CATSPERB: variants seen among roughly 807,000 people sequenced by gnomAD.
CATSPERB encodes catsper channel auxiliary subunit beta.
CATSPERB carries 93 observed loss-of-function variants against 128.3 expected under a neutral mutation model. The ratio of observed to expected loss-of-function variants is 0.72; its 90% CI spans 0.61 to 0.86. The LOEUF is 0.86. Among genes scored for constraint, CATSPERB ranks in the 40% least tolerant of loss-of-function variants. The pLI is 0.00. For synonymous variants in CATSPERB, 381 were observed against 448.8 expected (o/e 0.85, Z 1.91); for missense variants, 1,153 against 1,329.5 (o/e 0.87, Z 2.06).
Position 91,583,184 on chromosome 14 carries a change from C to T in CATSPERB, c.3133-2077G>A, listed in dbSNP as rs1159501891. Among the ~76,000 whole-genome samples the T allele has an allele frequency of 2.0e-5, 3 of 152,140 alleles. No individual in the cohort carries two copies. The East Asian group carries it at 5.8e-4, about 29-fold the overall frequency. ...CTGTAATCCCAGCACTTTGGGAGGC[C>T]AAGGCGGGCAGATCACGAGGTCAGG... is the stretch of plus-strand genomic sequence containing the variant. On this transcript the variant is annotated intron_variant, in intron 26 of 26. Transcript: ENST00000256343.
At chr14:91,666,150 G>A (rs150345776) in intron 14 of CATSPERB, among the ~76,000 whole-genome samples, 17 of 152,314 alleles carry the variant, frequency 1.1e-4, no homozygotes, top group African/African-American at 3.6e-4. Flanking sequence ...CATCTAGGTC[G>A]AAGGCCCAGC....
intron 15 of CATSPERB, chr14:91,646,309 G>A (rs1704629): frequency 0.18 from 28,034 of 152,720 alleles, 2,753 homozygotes; most frequent in South Asian, 0.23. Flanking sequence ...CTAGCCTCAT[G>A]ATATATGTAG....
In CATSPERB at chr14:91,633,955, C is replaced by T. The variant is rs541275710; in HGVS notation, c.1742+2470G>A. Among the ~76,000 whole-genome samples, 3 of 151,984 alleles carry T rather than the reference C, an allele frequency of 2.0e-5. No homozygotes were observed. In the South Asian group the frequency reaches 6.2e-4, roughly 32 times the overall value. On this transcript the variant is annotated intron_variant, in intron 17 of 26. Transcript: ENST00000256343. The stretch of plus-strand genomic sequence containing the variant: ...TATAACAGGAAAAAGCTATAATATG[C>T]TAAGAAACATTAAGGAAAAAACAAA...
At position 91,639,138 on chromosome 14, in the gene CATSPERB, T is replaced by C. The variant is rs1311547155; in HGVS notation, c.1545A>G (p.Gly515=). The change falls in exon 16 of 27, where the codon GGA becomes GGG. Residue 515 remains glycine, a synonymous_variant. Coordinates refer to ENST00000256343, the MANE Select transcript of CATSPERB (RefSeq NM_024764.4). ...KLTLGRFEAS[G]PPTAFGNSRN... ...TAGAATTTCCAAAGGCTGTGGGTGG[T>C]CCACTAGCTTCAAAGCGACCCAGAG... 6.2e-7 allele frequency: 1 copy of C among 1,613,974 alleles called. No individual in the cohort carries two copies. The highest frequency in any genetic ancestry group is 1.3e-5 in the African/African-American group (1 of 74,930).
At position 91,619,589 on chromosome 14, in the gene CATSPERB, T is replaced by C. The variant is rs114250512; in HGVS notation, c.2261-1853A>G. Among the ~76,000 whole-genome samples, 374 of 151,566 alleles carry C rather than the reference T, an allele frequency of 2.5e-3. 2 individuals are homozygous for C. The highest frequency in any genetic ancestry group is 8.7e-3 in the African/African-American group (359 of 41,410). On this transcript the variant is annotated intron_variant, in intron 19 of 26. Coordinates refer to ENST00000256343, the MANE Select transcript of CATSPERB (RefSeq NM_024764.4). Reference sequence around the variant, plus strand: ...TAGCATTTTGTCCTTTCATTATGGTTCCTATATCTTCTTTTACTCTGAGAG... The same window carrying C: ...TAGCATTTTGTCCTTTCATTATGGTCCCTATATCTTCTTTTACTCTGAGAG...
intron 11 of CATSPERB, among the ~76,000 whole-genome samples, chr14:91,678,157 A>T (rs1405804409): frequency 2.0e-5 from 3 of 152,190 alleles, no homozygotes; most frequent in Admixed American, 6.5e-5. Context: ...TGACAGTTGA[A>T]AGATGCAGCA....
In CATSPERB at chr14:91,621,832, G is replaced by A; in HGVS notation, c.2036C>T (p.Ala679Val). 17 of 1,613,790 alleles carry A rather than the reference G, an allele frequency of 1.1e-5. No homozygotes were observed. Among genetic ancestry groups the A allele is most frequent in the Non-Finnish European group, 1.4e-5 (17 of 1,179,690 alleles). ...TGCACTTTCAGGCATGGTAGCAATG[G>A]CTAATGCATTCTTATTATCTAAAAT... ...TSILDNKNALAIATMPESAPN... is the reference protein window; with the variant it reads ...TSILDNKNALVIATMPESAPN... Residue 679 changes from alanine (A) to valine (V), a missense_variant, in exon 19 of 27, where the codon GCC (alanine) becomes GTC (valine). By Grantham distance (64) the Ala-to-Val change is moderately conservative. Coordinates refer to ENST00000256343, the MANE Select transcript of CATSPERB (RefSeq NM_024764.4).
chr14:91,586,571 A>AAGAGAGAGAGAG lies in CATSPERB; in HGVS notation c.3132+619_3132+630dup, dbSNP rs35756131. 1.6e-3 allele frequency among the ~76,000 whole-genome samples: 184 copies of AAGAGAGAGAGAG among 114,232 alleles called. 1 individual carries two copies. The highest frequency in any genetic ancestry group is 5.8e-3 in the African/African-American group (161 of 27,750). 74.9% of individuals were successfully genotyped at this position (114,232 alleles called of 152,430 possible). A position where few individuals can be genotyped will look rare whatever the true frequency, so the allele number is the denominator to read the frequency against. ...GGAGAGAGAGAGAGAGAGAGAGAGAAAGAGAGAGAGAGAGAGAGAGAGACA... is the reference window on the plus strand; with the variant it reads ...GGAGAGAGAGAGAGAGAGAGAGAGAAAGAGAGAGAGAGAGAGAGAGAGAGAGAGAGAGAGACA... On this transcript the variant is annotated intron_variant, in intron 26 of 26. Coordinates refer to ENST00000256343, the MANE Select transcript of CATSPERB (RefSeq NM_024764.4).
At chr14:91,678,093 G>C (rs370618700) in intron 11 of CATSPERB, among the ~76,000 whole-genome samples, 6 of 152,150 alleles carry the variant, frequency 3.9e-5, no homozygotes, top group Non-Finnish European at 5.9e-5. Flanking sequence ...GGGGGGCAAG[G>C]GGGGAGAGAG....
rs142497017 is a variant in CATSPERB at position 91,676,944 on chromosome 14, A to G, written c.932-2722T>C. Among the ~76,000 whole-genome samples, 41 of 152,352 alleles carry G rather than the reference A, an allele frequency of 2.7e-4. No individual in the cohort carries two copies. The East Asian group carries it at 7.3e-3, about 27-fold the overall frequency. ...CACATCTACAACCATCTCATCTTCG[A>G]AAAACCTGAGAAAAACAAGCAATGG... On this transcript the variant is annotated intron_variant, in intron 11 of 26. Transcript: ENST00000256343.
At chr14:91,698,968 A>G (rs759048366) in intron 7 of CATSPERB, among the ~76,000 whole-genome samples, 3 of 152,096 alleles carry the variant, frequency 2.0e-5, no homozygotes, top group Non-Finnish European at 4.4e-5. Context: ...TGGTTTTCCA[A>G]TCCTGTGTTA....
At chr14:91,696,302 G>C (rs1449125720) in intron 7 of CATSPERB, among the ~76,000 whole-genome samples, 1 of 152,180 alleles carries the variant, frequency 6.6e-6, no homozygotes, top group African/African-American at 2.4e-5. Flanking sequence ...ACTAAAGAGT[G>C]ACCAATGAGA....
At chr14:91,716,167 A>C (rs1187178177) in intron 5 of CATSPERB, among the ~76,000 whole-genome samples, 2 of 152,260 alleles carry the variant, frequency 1.3e-5, no homozygotes, top group Non-Finnish European at 2.9e-5. Context: ...TCTGCAAATC[A>C]TATGTGGTAA....
At chr14:91,588,864 C>A (rs1205622303) in intron 24 of CATSPERB, among the ~76,000 whole-genome samples, 45 of 152,070 alleles carry the variant, frequency 3.0e-4, no homozygotes, top group Admixed American at 2.9e-3. Context: ...TTTTTCATTT[C>A]AAAAATGCAT....
Position 91,667,275 on chromosome 14 carries a change from G to A in CATSPERB, c.1287+2539C>T, listed in dbSNP as rs146150246. 8.9e-3 allele frequency among the ~76,000 whole-genome samples: 1,361 copies of A among 152,218 alleles called. 16 individuals are homozygous for A. Among genetic ancestry groups the A allele is most frequent in the Middle Eastern group, 0.045 (13 of 290 alleles). On this transcript the variant is annotated intron_variant, in intron 14 of 26. Coordinates refer to ENST00000256343, the MANE Select transcript of CATSPERB (RefSeq NM_024764.4). ...ACACATTGCAAAAACCCAAGGAGGT[G>A]GCAGTCTTACACTGCGGAAGCCATC... is the stretch of plus-strand genomic sequence containing the variant.
intron 1 of CATSPERB, among the ~76,000 whole-genome samples, chr14:91,730,151 G>A (rs1388651872): frequency 1.3e-5 from 2 of 152,316 alleles, no homozygotes; most frequent in East Asian, 3.9e-4. Flanking sequence ...AGGCAATCAT[G>A]TTTGGAGATA....
At chr14:91,711,600 G>C (rs1895840719) in intron 5 of CATSPERB, among the ~76,000 whole-genome samples, 1 of 152,140 alleles carries the variant, frequency 6.6e-6, no homozygotes, top group South Asian at 2.1e-4. Flanking sequence ...TTGAATAAAA[G>C]GTGAAAGGAT....
intron 23 of CATSPERB, among the ~76,000 whole-genome samples, chr14:91,591,611 C>A (rs1361048101): frequency 2.0e-5 from 3 of 151,400 alleles, no homozygotes; most frequent in Admixed American, 6.6e-5. Context: ...CTTTCGTATA[C>A]ACAGGGGTGT....
intron 14 of CATSPERB, 51 bp from the exon 15 acceptor site, chr14:91,660,032 T>A: frequency 6.6e-7 from 1 of 1,508,756 alleles, no homozygotes; most frequent in Non-Finnish European, 8.8e-7. Flanking sequence ...ATGCAACAGT[T>A]GGCAGTTACC....
Sources: gnomAD v4.1 joint callset for allele counts (sites outside exome capture counted in the v4.1 genomes callset) on GRCh38, gnomAD v4.1.1 for gene constraint, MANE v1.5 for transcripts, NCBI Gene and HGNC (gene_info 2026-07-23, HGNC 2026-07-21) for gene names.